NKAIN2: variants seen among roughly 807,000 people sequenced by gnomAD.
NKAIN2 encodes the protein sodium/potassium transporting ATPase interacting 2, also known as sodium/potassium-transporting ATPase subunit beta-1-interacting protein 2.
A neutral mutation model predicts 32.6 loss-of-function variants in NKAIN2; 14 were observed. That is an observed-to-expected ratio of 0.43 (90% confidence interval 0.28 to 0.67). The LOEUF (loss-of-function observed/expected upper bound fraction) is 0.67, where lower values mean the gene tolerates loss of function less well. Ranked by LOEUF, NKAIN2 falls within the 30% of genes least tolerant of loss-of-function variation. NKAIN2 has a pLI of 0.17. For missense variants in NKAIN2, 198 were observed against 258.3 expected, an observed-to-expected ratio of 0.77 and a Z score of 1.60; for synonymous variants, 80 against 87.2, an observed-to-expected ratio of 0.92 and a Z score of 0.46.
intron 1 of NKAIN2, among the ~76,000 whole-genome samples, chr6:124,079,464 AAAATAT>A (rs1783849406): frequency 6.6e-6 from 1 of 152,166 alleles, no homozygotes; most frequent in African/African-American, 2.4e-5. Flanking sequence ...CCTCCATATG[AAAATAT>A]AAATCATGGT....
At chr6:124,208,594 A>G (rs1791014165) in intron 1 of NKAIN2, among the ~76,000 whole-genome samples, 1 of 151,458 alleles carries the variant, frequency 6.6e-6, no homozygotes, top group South Asian at 2.1e-4. Context: ...GATATATTAT[A>G]TTTACCTTAG....
intron 3 of NKAIN2, among the ~76,000 whole-genome samples, chr6:124,597,070 A>G (rs2114972836): frequency 6.6e-6 from 1 of 152,266 alleles, no homozygotes; most frequent in East Asian, 1.9e-4. Flanking sequence ...CACATTGGAG[A>G]GGGCAATCTA....
At chr6:123,985,732 A>T (rs1779106646) in intron 1 of NKAIN2, among the ~76,000 whole-genome samples, 1 of 152,154 alleles carries the variant, frequency 6.6e-6, no homozygotes, top group Admixed American at 6.6e-5. Context: ...GTTTGGTTTC[A>T]ATTGAGGGTG....
intron 3 of NKAIN2, among the ~76,000 whole-genome samples, chr6:124,361,652 C>T (rs764821999): frequency 3.9e-5 from 6 of 151,978 alleles, no homozygotes; most frequent in Non-Finnish European, 7.4e-5. Flanking sequence ...CTTCAGAGAT[C>T]TAGATATAAC....
intron 3 of NKAIN2, among the ~76,000 whole-genome samples, chr6:124,650,065 A>T (rs1198943668): frequency 6.6e-6 from 1 of 152,202 alleles, no homozygotes; most frequent in Non-Finnish European, 1.5e-5. Flanking sequence ...GAGAACTAGA[A>T]GCTTTTCTAC....
intron 3 of NKAIN2, among the ~76,000 whole-genome samples, chr6:124,517,480 C>T (rs559379494): frequency 6.6e-5 from 10 of 152,134 alleles, no homozygotes; most frequent in Admixed American, 2.0e-4. Flanking sequence ...ATAATAATGC[C>T]CTCCACCTCC....
At chr6:124,672,391 A>G (rs1320573035) in intron 4 of NKAIN2, among the ~76,000 whole-genome samples, 3 of 152,104 alleles carry the variant, frequency 2.0e-5, no homozygotes, top group Non-Finnish European at 2.9e-5. Flanking sequence ...TTACTGAAAA[A>G]GTTCTCAGAC....
At position 123,936,485 on chromosome 6, in the gene NKAIN2, G is replaced by T. The variant is rs191347817; in HGVS notation, c.54+132231G>T. On this transcript the variant is annotated intron_variant, in intron 1 of 6. Transcript: ENST00000368417. ...GAAATATCTGCAGTGTCAAAGAAAAGATGCCACAGGAAGAAAGCAGCCCTA... is the reference window on the plus strand; with the variant it reads ...GAAATATCTGCAGTGTCAAAGAAAATATGCCACAGGAAGAAAGCAGCCCTA... Among the ~76,000 whole-genome samples the T allele has an allele frequency of 7.8e-4, 119 of 152,218 alleles. 1 individual carries two copies. The highest frequency in any genetic ancestry group is 5.4e-3 in the South Asian group (26 of 4,818).
chr6:124,770,560 C>T (rs1407851115), intron 4 of NKAIN2, among the ~76,000 whole-genome samples: 1 of 152,142 alleles, frequency 6.6e-6, no homozygotes, highest in Non-Finnish European at 1.5e-5. Context: ...TTAACTGCCT[C>T]TGCATGTCAT....
intron 2 of NKAIN2, among the ~76,000 whole-genome samples, chr6:124,343,553 G>A (rs917692396): frequency 1.3e-5 from 2 of 152,028 alleles, no homozygotes. Flanking sequence ...TCTCATTGTG[G>A]TTTTGATTTG....
At chr6:124,585,322 G>C (rs565816311) in intron 3 of NKAIN2, among the ~76,000 whole-genome samples, 15 of 152,290 alleles carry the variant, frequency 9.8e-5, no homozygotes, top group African/African-American at 3.4e-4. Flanking sequence ...AAGGTAGCTG[G>C]GGGGAGAGGG....
chr6:124,823,389 C>T lies in NKAIN2; in HGVS notation c.*160C>T, dbSNP rs993928297. 59 of 663,408 alleles carry T rather than the reference C, an allele frequency of 8.9e-5. No homozygotes were observed. Among genetic ancestry groups the T allele is most frequent in the East Asian group, 6.1e-4 (23 of 37,706 alleles). The allele number at this position is 663,408 out of a possible 1,614,324, so 41.1% of individuals were successfully genotyped here. On this transcript the variant is annotated 3_prime_UTR_variant, in exon 7 of 7. Coordinates refer to ENST00000368417, the MANE Select transcript of NKAIN2 (RefSeq NM_001040214.3). The stretch of plus-strand genomic sequence containing the variant: ...TCTACATACAACACTGACACACACA[C>T]ACACACACACGTGAGCACGCACACA...
Position 124,039,187 on chromosome 6 carries a change from G to A in NKAIN2, c.54+234933G>A, listed in dbSNP as rs578256126. On this transcript the variant is annotated intron_variant, in intron 1 of 6. Coordinates refer to ENST00000368417, the MANE Select transcript of NKAIN2 (RefSeq NM_001040214.3). ...TTACCAATAAAATTTTTAAAAATAA[G>A]AAGAAGAAATACCAACTCTGAGAAA... 2.4e-4 allele frequency among the ~76,000 whole-genome samples: 36 copies of A among 152,042 alleles called. 2 individuals carry two copies. In the South Asian group the frequency reaches 7.1e-3, roughly 30 times the overall value.
At chr6:124,716,013 A>AT (rs1418397357) in intron 4 of NKAIN2, among the ~76,000 whole-genome samples, 1 of 152,160 alleles carries the variant, frequency 6.6e-6, no homozygotes, top group Admixed American at 6.5e-5. Flanking sequence ...GATAAAGCTT[A>AT]TTTTTGTTCT....
chr6:124,781,733 A>G (rs1051564357), intron 4 of NKAIN2, among the ~76,000 whole-genome samples: 39 of 152,146 alleles, frequency 2.6e-4, no homozygotes, highest in African/African-American at 8.9e-4. Flanking sequence ...ACTCAGATGG[A>G]AAGGAAGAAA....
chr6:124,272,183 G>C (rs367957236), intron 1 of NKAIN2, among the ~76,000 whole-genome samples: 11 of 152,314 alleles, frequency 7.2e-5, no homozygotes, highest in African/African-American at 2.6e-4. Flanking sequence ...AAGACAATGG[G>C]GAAAATGTCT....
chr6:124,499,580 T>C (rs897848380), intron 3 of NKAIN2, among the ~76,000 whole-genome samples: 38 of 152,130 alleles, frequency 2.5e-4, no homozygotes, highest in African/African-American at 9.2e-4. Flanking sequence ...AGGTGAAGGG[T>C]AGAACCACTC....
chr6:123,911,417 ACT>A (rs1211066548), intron 1 of NKAIN2, among the ~76,000 whole-genome samples: 1 of 151,752 alleles, frequency 6.6e-6, no homozygotes, highest in African/African-American at 2.4e-5. Context: ...GAGGTGCCAG[ACT>A]CTTCAACAAC....
chr6:124,159,419 C>T (rs1263075770), intron 1 of NKAIN2, among the ~76,000 whole-genome samples: 1 of 151,986 alleles, frequency 6.6e-6, no homozygotes, highest in Non-Finnish European at 1.5e-5. Context: ...CATTTTTTGT[C>T]TGTTATTCTC....
Sources: allele counts gnomAD v4.1 joint callset (sites outside exome capture counted in the v4.1 genomes callset), GRCh38; gene constraint gnomAD v4.1.1; transcripts MANE v1.5; gene names NCBI Gene and HGNC (gene_info 2026-07-23, HGNC 2026-07-21).